The following SMIM7 variants were observed in gnomAD, a reference collection of about 807,000 sequenced individuals.
SMIM7 encodes small integral membrane protein 7, also known as UPF0608 protein C19orf42.
A neutral mutation model predicts 13.3 loss-of-function variants in SMIM7; 12 were observed. The observed-to-expected ratio is 0.90, with a 90% confidence interval of 0.58 to 1.46. SMIM7 has a LOEUF of 1.46. SMIM7 is among the 40% of genes most tolerant of loss of function. The pLI is 0.00. For missense variants in SMIM7, 114 were observed against 94.8 expected (o/e 1.20, Z -0.84); for synonymous variants, 36 against 35.8 (o/e 1.01, Z -0.02).
At chr19:16,633,526 C>G (rs527510199) in intron 4 of SMIM7, among the ~76,000 whole-genome samples, 2 of 150,638 alleles carry the variant, frequency 1.3e-5, no homozygotes, top group South Asian at 4.2e-4. Context: ...AATTAAACTT[C>G]CAAAGTAAAT....
intron 3 of SMIM7, 158 bp downstream of exon 3, chr19:16,659,237 C>T (rs906574951): frequency 1.3e-5 from 9 of 710,666 alleles, no homozygotes; most frequent in Non-Finnish European, 2.2e-5. Context: ...GAGCCATGAT[C>T]GCACCACTGC....
chr19:16,645,660 C>CTTTTTT (rs765167098), downstream of SMIM7: 2 of 97,328 alleles, frequency 2.1e-5, no homozygotes, highest in South Asian at 3.0e-4. Flanking sequence ...TTACTCAATT[C>CTTTTTT]TTTTTTTTTT....
At chr19:16,635,173 C>A (rs548867345) in intron 4 of SMIM7, 1 of 150,624 alleles carries the variant, frequency 6.6e-6, no homozygotes, top group African/African-American at 2.4e-5. Flanking sequence ...ACCAGCCTGG[C>A]CAAGATGGCA....
intron 3 of SMIM7, among the ~76,000 whole-genome samples, chr19:16,656,470 C>T (rs926288992): frequency 6.6e-6 from 1 of 152,110 alleles, no homozygotes; most frequent in Non-Finnish European, 1.5e-5. Flanking sequence ...TCTGCCCCAA[C>T]AAGCATATGG....
At chr19:16,630,819 G>A (rs147788174) in exon 5 of SMIM7, 175 of 152,314 alleles carry the variant, frequency 1.1e-3, no homozygotes, top group African/African-American at 4.2e-3. Context: ...AAATCAGACA[G>A]CCTCTGAATT....
downstream of SMIM7, among the ~76,000 whole-genome samples, chr19:16,644,301 T>C (rs537481635): frequency 2.6e-5 from 4 of 151,908 alleles, no homozygotes; most frequent in South Asian, 2.1e-4. Flanking sequence ...TTGTATTTTT[T>C]AGTAGAGACG....
chr19:16,645,629 C>A (rs1304755586), downstream of SMIM7: 1 of 151,450 alleles, frequency 6.6e-6, no homozygotes, highest in African/African-American at 2.4e-5. Flanking sequence ...CTTTCAGGAG[C>A]AGCTCCAGTC....
At chr19:16,657,901 A>G (rs2086617404) in intron 3 of SMIM7, among the ~76,000 whole-genome samples, 1 of 152,218 alleles carries the variant, frequency 6.6e-6, no homozygotes, top group Admixed American at 6.5e-5. Flanking sequence ...CAGGCGTGGT[A>G]GTAAGTGCCT....
intron 3 of SMIM7, among the ~76,000 whole-genome samples, chr19:16,657,621 A>G (rs1000529241): frequency 1.8e-4 from 27 of 152,216 alleles, no homozygotes; most frequent in Admixed American, 4.6e-4. Flanking sequence ...GTAAAATGGG[A>G]AAGTGACCAT....
chr19:16,639,635 A>G (rs2086390917), intron 4 of SMIM7, among the ~76,000 whole-genome samples: 1 of 152,008 alleles, frequency 6.6e-6, no homozygotes, highest in African/African-American at 2.4e-5. Flanking sequence ...CCCAAATCTC[A>G]TCTTGAGTTG....
chr19:16,639,247 C>T (rs865909434), intron 4 of SMIM7, among the ~76,000 whole-genome samples: 6 of 151,752 alleles, frequency 4.0e-5, no homozygotes, highest in East Asian at 3.9e-4. Context: ...CTCAGCCTCC[C>T]GAGTAGCTGG....
Position 16,659,452 on chromosome 19 carries a change from A to G in SMIM7, c.69-5T>C, listed in dbSNP as rs199810423. 321 of 1,612,390 alleles carry G rather than the reference A, an allele frequency of 2.0e-4. No homozygotes were observed. The highest frequency in any genetic ancestry group is 2.5e-4 in the Non-Finnish European group (291 of 1,179,456). ...CCCTGCGTGTCCTTCTTTTTCCTACAAAGAGGAGCAGACAGTGTCCACTTT... is the reference window on the plus strand; with the variant it reads ...CCCTGCGTGTCCTTCTTTTTCCTACGAAGAGGAGCAGACAGTGTCCACTTT... On this transcript the variant is annotated splice_region_variant and splice_polypyrimidine_tract_variant and intron_variant, in intron 2 of 4. Coordinates refer to ENST00000487416, the MANE Select transcript of SMIM7 (RefSeq NM_024104.4).
intron 4 of SMIM7, chr19:16,634,270 C>T (rs1009961500): frequency 2.6e-5 from 4 of 152,176 alleles, no homozygotes; most frequent in African/African-American, 9.7e-5. Context: ...GGGGACTTCA[C>T]ATGAGGGCTC....
rs531154718 is a variant in SMIM7 at position 16,655,276 on chromosome 19, G to A, written c.122-1151C>T. The A allele has an allele frequency of 3.3e-5, 15 of 455,634 alleles. 1 individual carries two copies. The highest frequency in any genetic ancestry group is 1.5e-4 in the South Asian group (10 of 64,546). The allele number at this position is 455,634 out of a possible 1,614,324, so 28.2% of individuals were successfully genotyped here. ...AATGCCAAGGAACAGAAACCCCTCC[G>A]AGGGAAGGCAATTTAGTACGTGAAG... On this transcript the variant is annotated intron_variant, in intron 3 of 4. Coordinates refer to ENST00000487416, the MANE Select transcript of SMIM7 (RefSeq NM_024104.4).
chr19:16,632,321 G>T (rs2086327694), intron 4 of SMIM7, among the ~76,000 whole-genome samples: 1 of 151,912 alleles, frequency 6.6e-6, no homozygotes, highest in African/African-American at 2.4e-5. Context: ...AATTGGTTTT[G>T]ACTAACCTTG....
chr19:16,653,093 G>T, intron 4 of SMIM7: 1 of 1,075,108 alleles, frequency 9.3e-7, no homozygotes, highest in Non-Finnish European at 1.3e-6. Context: ...CTCGGCAGAT[G>T]CAGAAGAACT....
intron 2 of SMIM7, 93 bp downstream of exon 2, chr19:16,659,866 G>GC (rs2086651159): frequency 6.6e-7 from 1 of 1,504,390 alleles, no homozygotes; most frequent in Non-Finnish European, 8.9e-7. Context: ...GCGGCTTGGG[G>GC]GCGGGGCCTG....
intron 3 of SMIM7, among the ~76,000 whole-genome samples, chr19:16,658,780 T>C (rs1258098633): frequency 6.6e-6 from 1 of 152,080 alleles, no homozygotes. Context: ...GAACAAAGGA[T>C]GGGACAAGCC....
At chr19:16,641,701 C>T (rs1019525382), downstream of SMIM7, among the ~76,000 whole-genome samples, 1 of 151,758 alleles carries the variant, frequency 6.6e-6, no homozygotes, top group Non-Finnish European at 1.5e-5. Flanking sequence ...TGGGTTCAAG[C>T]AATTCTCCTG....
Sources: gnomAD v4.1 joint callset for allele counts (sites outside exome capture counted in the v4.1 genomes callset) on GRCh38, gnomAD v4.1.1 for gene constraint, MANE v1.5 for transcripts, NCBI Gene and HGNC (gene_info 2026-07-23, HGNC 2026-07-21) for gene names.